Variants in SLC9A9 observed in about 807,000 individuals in gnomAD.
The protein encoded by SLC9A9 is solute carrier family 9 member A9, also known as sodium/hydrogen exchanger 9.
Under a neutral mutation model 77.8 loss-of-function variants are expected in SLC9A9, and 62 were observed. The ratio of observed to expected loss-of-function variants is 0.80; its 90% confidence interval spans 0.65 to 0.98. The LOEUF (loss-of-function observed/expected upper bound fraction) is 0.98, where lower values mean the gene tolerates loss of function less well. SLC9A9 is among the 50% of genes least tolerant of loss of function. The probability of loss-of-function intolerance (pLI) is 0.00; values close to 1 mark genes in which losing one functional copy is unlikely to be tolerated. For synonymous variants in SLC9A9, 320 were observed against 283.5 expected (o/e 1.13, Z -1.29); for missense variants, 775 against 774.9 (o/e 1.00, Z 0.00).
intron 12 of SLC9A9, among the ~76,000 whole-genome samples, chr3:143,453,855 C>A (rs534092821): frequency 1.0e-3 from 154 of 152,268 alleles, no homozygotes; most frequent in Non-Finnish European, 1.7e-3. Flanking sequence ...GAAATTTAAT[C>A]CCCAATGCAA....
In SLC9A9 at chr3:143,548,990, A is replaced by G. The variant is rs1253168974; in HGVS notation, c.1089+3372T>C. 5.3e-5 allele frequency among the ~76,000 whole-genome samples: 8 copies of G among 152,242 alleles called. No homozygotes were observed. In the East Asian group the frequency reaches 1.5e-3, roughly 29 times the overall value. ...TTACTAATTGGCTTCCTACACTCTC[A>G]TTAAACAGTCCTGGCAACAGAGGCA... On this transcript the variant is annotated intron_variant, in intron 9 of 15. Transcript: ENST00000316549.
At chr3:143,360,216 G>A (rs1316048895) in intron 14 of SLC9A9, among the ~76,000 whole-genome samples, 1 of 152,200 alleles carries the variant, frequency 6.6e-6, no homozygotes, top group Non-Finnish European at 1.5e-5. Flanking sequence ...CCACATCAAA[G>A]AGGGTGGTTG....
intron 8 of SLC9A9, among the ~76,000 whole-genome samples, chr3:143,553,381 AG>A (rs1225322197): frequency 2.6e-5 from 4 of 152,182 alleles, no homozygotes; most frequent in Admixed American, 2.0e-4. Flanking sequence ...TTGGGCATAG[AG>A]GAGGGCTTTG....
At chr3:143,488,531 T>C (rs2035689397) in intron 11 of SLC9A9, among the ~76,000 whole-genome samples, 1 of 151,976 alleles carries the variant, frequency 6.6e-6, no homozygotes, top group South Asian at 2.1e-4. Flanking sequence ...CAGTAGCATA[T>C]TAAAAGAACT....
chr3:143,504,281 C>G, intron 9 of SLC9A9: 1 of 227,620 alleles, frequency 4.4e-6, no homozygotes, highest in Non-Finnish European at 8.8e-6. Flanking sequence ...CATGGTGTCT[C>G]AGGGATGTGG....
intron 9 of SLC9A9, among the ~76,000 whole-genome samples, chr3:143,506,743 T>C (rs1251595537): frequency 6.6e-6 from 1 of 152,018 alleles, no homozygotes; most frequent in Non-Finnish European, 1.5e-5. Context: ...ACAAGTGTCC[T>C]CCAAAAGATT....
chr3:143,330,382 C>T (rs1033478572), intron 14 of SLC9A9, among the ~76,000 whole-genome samples: 1 of 152,146 alleles, frequency 6.6e-6, no homozygotes, highest in African/African-American at 2.4e-5. Flanking sequence ...GTCATGGTCC[C>T]TTTCTAAGGA....
intron 6 of SLC9A9, among the ~76,000 whole-genome samples, chr3:143,634,775 G>A (rs187944755): frequency 2.9e-4 from 44 of 152,082 alleles, no homozygotes; most frequent in Non-Finnish European, 4.9e-4. Context: ...TGGGGATTGT[G>A]GGCTCTTCTT....
chr3:143,672,918 A>G (rs2039181776), intron 5 of SLC9A9, among the ~76,000 whole-genome samples: 1 of 152,220 alleles, frequency 6.6e-6, no homozygotes, highest in South Asian at 2.1e-4. Context: ...TCAAAACAGC[A>G]GTGCAGCTCA....
At chr3:143,824,013 G>A (rs1384554044) in intron 2 of SLC9A9, among the ~76,000 whole-genome samples, 1 of 152,128 alleles carries the variant, frequency 6.6e-6, no homozygotes, top group South Asian at 2.1e-4. Flanking sequence ...ATTCTCAAAC[G>A]CATTTCACTG....
At chr3:143,664,684 C>T (rs1267596974) in intron 5 of SLC9A9, among the ~76,000 whole-genome samples, 2 of 152,188 alleles carry the variant, frequency 1.3e-5, no homozygotes, top group Non-Finnish European at 2.9e-5. Context: ...GGGTTGCAAT[C>T]CTAGTCTCTG....
chr3:143,417,977 T>G (rs4839634), intron 12 of SLC9A9, among the ~76,000 whole-genome samples: 23,782 of 151,502 alleles, frequency 0.16, 1,942 homozygotes, highest in East Asian at 0.2. Flanking sequence ...TTCTACGTGG[T>G]TACTCAATCC....
chr3:143,614,570 CTGAA>C (rs2038073605), intron 6 of SLC9A9, among the ~76,000 whole-genome samples: 1 of 152,142 alleles, frequency 6.6e-6, no homozygotes, highest in South Asian at 2.1e-4. Flanking sequence ...AAATTGCCCT[CTGAA>C]TGTGCTATAA....
chr3:143,324,576 C>A (rs1431968409), intron 14 of SLC9A9, among the ~76,000 whole-genome samples: 2 of 152,158 alleles, frequency 1.3e-5, no homozygotes, highest in Non-Finnish European at 2.9e-5. Context: ...AATCCCAGCA[C>A]TTTGGGAGGC....
intron 14 of SLC9A9, among the ~76,000 whole-genome samples, chr3:143,333,480 C>G (rs895632435): frequency 6.6e-6 from 1 of 152,158 alleles, no homozygotes; most frequent in Non-Finnish European, 1.5e-5. Context: ...TCTATACAAC[C>G]AAGGCAGCTC....
chr3:143,424,360 G>A (rs140677622), intron 12 of SLC9A9, among the ~76,000 whole-genome samples: 258 of 151,158 alleles, frequency 1.7e-3, no homozygotes, highest in African/African-American at 5.7e-3. Context: ...TCCGCCTCCC[G>A]GGTTCACGCC....
intron 4 of SLC9A9, among the ~76,000 whole-genome samples, chr3:143,755,967 A>G (rs903479740): frequency 6.6e-6 from 1 of 152,188 alleles, no homozygotes; most frequent in East Asian, 1.9e-4. Flanking sequence ...AGAAAAGAAG[A>G]TAAACACTAC....
At chr3:143,706,363 G>C (rs1933976920) in intron 4 of SLC9A9, among the ~76,000 whole-genome samples, 1 of 152,184 alleles carries the variant, frequency 6.6e-6, no homozygotes, top group Non-Finnish European at 1.5e-5. Context: ...TCTTCCCTAA[G>C]GAATGTAAGA....
intron 6 of SLC9A9, among the ~76,000 whole-genome samples, chr3:143,585,825 A>C (rs956638010): frequency 2.0e-5 from 3 of 152,194 alleles, no homozygotes; most frequent in Non-Finnish European, 4.4e-5. Flanking sequence ...TTAGGCCAGA[A>C]GAGGTGCTGG....
Sources: allele counts gnomAD v4.1 joint callset (sites outside exome capture counted in the v4.1 genomes callset), GRCh38; gene constraint gnomAD v4.1.1; transcripts MANE v1.5; gene names NCBI Gene and HGNC (gene_info 2026-07-23, HGNC 2026-07-21).